Variants in HSPG2 observed in about 807,000 individuals in gnomAD.
HSPG2 encodes basement membrane-specific heparan sulfate proteoglycan core protein.
In HSPG2, 278 loss-of-function variants were observed where a neutral mutation model predicts 526.6. That is an observed-to-expected ratio of 0.53 (90% CI 0.48 to 0.58). The LOEUF is 0.58. HSPG2 is among the 20% of genes least tolerant of loss of function. The pLI is 0.00. For synonymous variants in HSPG2, 2,465 were observed against 2,555.4 expected (o/e 0.96, Z 1.07); for missense variants, 5,354 against 6,099.5 (o/e 0.88, Z 4.07).
intron 1 of HSPG2, among the ~76,000 whole-genome samples, chr1:21,914,916 C>G (rs1353596999): frequency 2.0e-5 from 3 of 152,228 alleles, no homozygotes; most frequent in Non-Finnish European, 2.9e-5. Flanking sequence ...CCTATGCCTG[C>G]CTGGGCCTTG....
At chr1:21,891,973 G>T (rs112093197) in intron 3 of HSPG2, among the ~76,000 whole-genome samples, 5 of 152,366 alleles carry the variant, frequency 3.3e-5, no homozygotes, top group African/African-American at 1.2e-4. Context: ...AGATATGAAT[G>T]AATAAGAGTG....
In HSPG2 at chr1:21,850,386, A is replaced by G. The variant is rs1638797696; in HGVS notation, c.7271T>C (p.Ile2424Thr). 1 of 1,610,090 alleles carries G rather than the reference A, an allele frequency of 6.2e-7. No homozygotes were observed. The change falls in exon 56 of 97, where the codon ATT (isoleucine) becomes ACT (threonine). Residue 2424 changes from isoleucine to threonine, a missense_variant. Transcript: ENST00000374695. ...ACCAGGCACTGAGCCCGCAGGCTCA[A>G]TGGTGACCAGGACAGAGGCCTCTAG... ...VPLEASVLVT[I>T]EPAGSVPALG...
rs185974782 is a variant in HSPG2, at chr1:21,898,517, C to A, written c.64-2207G>T. 6.6e-6 allele frequency among the ~76,000 whole-genome samples: 1 copy of A among 152,328 alleles called. No individual in the cohort carries two copies. The highest frequency in any genetic ancestry group is 1.9e-4 in the East Asian group (1 of 5,184). ...GGGCTCCTTCTCAGAGACAGTGAGTCAGGTTTTTCCATCCCAGGAGGGTGG... is the reference window on the plus strand; with the variant it reads ...GGGCTCCTTCTCAGAGACAGTGAGTAAGGTTTTTCCATCCCAGGAGGGTGG... On this transcript the variant is annotated intron_variant, in intron 1 of 96. Coordinates refer to ENST00000374695, the MANE Select transcript of HSPG2 (RefSeq NM_005529.7). This position sits in a 1 kb window ranked among gnomAD's most constrained non-coding sequence, Gnocchi z 4.0.
In HSPG2 at chr1:21,857,176, A is replaced by G. The variant is rs1317089112; in HGVS notation, c.5414T>C (p.Val1805Ala). The change falls in exon 44 of 97, where the codon GTG becomes GCG. Residue 1805 changes from valine to alanine, a missense_variant. Transcript: ENST00000374695. ...TTTCCCGTTGTGCAGGCGGGTCCAC[A>G]CCAGGGTATAGGCTGGGGACTGCAG... is the stretch of plus-strand genomic sequence containing the variant. Reference protein sequence around the residue: ...AKSKSPAYTLVWTRLHNGKLP... With the variant: ...AKSKSPAYTLAWTRLHNGKLP... The G allele has an allele frequency of 6.2e-7, 1 of 1,614,030 alleles. No individual in the cohort carries two copies. Among genetic ancestry groups the G allele is most frequent in the East Asian group, 2.2e-5 (1 of 44,868 alleles).
intron 1 of HSPG2, among the ~76,000 whole-genome samples, chr1:21,927,768 G>C (rs757898359): frequency 1.6e-4 from 25 of 152,288 alleles, no homozygotes; most frequent in Middle Eastern, 3.4e-3. Context: ...CTACAGCTGC[G>C]GCCTCGGTAG....
chr1:21,826,401 G>A (rs957545163), intron 91 of HSPG2, among the ~76,000 whole-genome samples: 6 of 150,946 alleles, frequency 4.0e-5, no homozygotes, highest in African/African-American at 1.2e-4. Context: ...ACAGGATTTC[G>A]CCTTGTTGCC....
chr1:21,877,930 C>A (rs1044929074), intron 21 of HSPG2, among the ~76,000 whole-genome samples: 13 of 152,336 alleles, frequency 8.5e-5, no homozygotes, highest in Non-Finnish European at 1.8e-4. Flanking sequence ...AGCAAAGGTA[C>A]AATGCAGATA....
rs940282409 is a variant in HSPG2, at chr1:21,859,439, G to A, written c.5293+127C>T. On this transcript the variant is annotated intron_variant, in intron 42 of 96. Coordinates refer to ENST00000374695, the MANE Select transcript of HSPG2 (RefSeq NM_005529.7). This position sits in a 1 kb window ranked among gnomAD's most constrained non-coding sequence, Gnocchi z 5.3. The stretch of plus-strand genomic sequence containing the variant: ...ATCTGCCACCTCTCCTCATCTCCAT[G>A]GCTGCTGACCTTGTTCGGGCAACCA... 2 of 740,556 alleles carry A rather than the reference G, an allele frequency of 2.7e-6. No individual in the cohort carries two copies. The highest frequency in any genetic ancestry group is 4.8e-6 in the Non-Finnish European group (2 of 417,556). The allele number at this position is 740,556 out of a possible 1,614,324, so 45.9% of individuals were successfully genotyped here.
At chr1:21,856,773 G>A (rs144443477) in intron 44 of HSPG2, among the ~76,000 whole-genome samples, 1 of 152,296 alleles carries the variant, frequency 6.6e-6, no homozygotes, top group East Asian at 1.9e-4. Flanking sequence ...TCATCGCCAT[G>A]TGTAGTTATC....
chr1:21,829,827 C>T lies in HSPG2; in HGVS notation c.11770+166G>A, dbSNP rs538560604. The T allele has an allele frequency of 6.4e-5, 48 of 745,960 alleles. No individual in the cohort carries two copies. The African/African-American group carries it at 7.4e-4, about 12-fold the overall frequency. The allele number at this position is 745,960 out of a possible 1,614,324, so 46.2% of individuals were successfully genotyped here. A position where few individuals can be genotyped will look rare whatever the true frequency, so the allele number is the denominator to read the frequency against. ...GGGGTCCTCTTTGGGGGCCCTCACT[C>T]AATAAGGGGCTCAGGCTGGGCAGAC... is the stretch of plus-strand genomic sequence containing the variant. On this transcript the variant is annotated intron_variant, in intron 86 of 96. Transcript: ENST00000374695.
intron 62 of HSPG2, 66 bp from the exon 63 acceptor site, chr1:21,846,665 C>A: frequency 6.4e-7 from 1 of 1,573,506 alleles, no homozygotes; most frequent in Non-Finnish European, 8.7e-7. Flanking sequence ...GTTGGTGGGA[C>A]CCTCTGCCAT....
Position 21,841,127 on chromosome 1 carries a change from G to A in HSPG2, c.9487C>T (p.Leu3163Phe), listed in dbSNP as rs776219965. 2 of 1,612,496 alleles carry A rather than the reference G, an allele frequency of 1.2e-6. No homozygotes were observed. The highest frequency in any genetic ancestry group is 2.7e-5 in the African/African-American group (2 of 74,936). The change falls in exon 71 of 97, where the codon CTC becomes TTC. Residue 3163 changes from leucine (L) to phenylalanine (F), a missense_variant. By Grantham distance (22) the Leu-to-Phe change is conservative (BLOSUM62 0). Coordinates refer to ENST00000374695, the MANE Select transcript of HSPG2 (RefSeq NM_005529.7). ...PAKLEQRTYG[L>F]MDSHAVLQIS... ...TGCAGCACCGCGTGGCTGTCCATGA[G>A]CCCATATGTCCGCTGCTCCAACTTG...
In HSPG2 at chr1:21,874,514, T is replaced by C. The variant is rs1276145538; in HGVS notation, c.3548A>G (p.Glu1183Gly). 1 of 1,613,298 alleles carries C rather than the reference T, an allele frequency of 6.2e-7. No individual in the cohort carries two copies. Among genetic ancestry groups the C allele is most frequent in the Non-Finnish European group, 8.5e-7 (1 of 1,179,942 alleles). Residue 1183 changes from glutamate (E) to glycine (G), a missense_variant, in exon 28 of 97, where the codon GAG becomes GGG. By Grantham distance (98) the Glu-to-Gly change is moderately conservative (BLOSUM62 -2). Transcript: ENST00000374695. ...CTGGCACTGCTCACACCGAGGGCCCTCCGTGTGATGCTGGCAGCCCTGGAG... is the reference window on the plus strand; with the variant it reads ...CTGGCACTGCTCACACCGAGGGCCCCCCGTGTGATGCTGGCAGCCCTGGAG... Reference protein sequence around the residue: ...GACQGCQHHTEGPRCEQCQPG... With the variant: ...GACQGCQHHTGGPRCEQCQPG...
At position 21,864,022 on chromosome 1, in the gene HSPG2, G is replaced by T. The variant is rs964264808; in HGVS notation, c.4740+78C>A. 4 of 1,116,382 alleles carry T rather than the reference G, an allele frequency of 3.6e-6. No homozygotes were observed. Among genetic ancestry groups the T allele is most frequent in the African/African-American group, 3.1e-5 (2 of 64,534 alleles). The allele number at this position is 1,116,382 out of a possible 1,614,324, so 69.2% of individuals were successfully genotyped here. Reference sequence around the variant, plus strand: ...CATGATCCTGATCCCCTGGATTGATGCCTGCCTTGTCCAGCCCTGGTCCCC... The same window carrying T: ...CATGATCCTGATCCCCTGGATTGATTCCTGCCTTGTCCAGCCCTGGTCCCC... On this transcript the variant is annotated intron_variant, in intron 37 of 96. Transcript: ENST00000374695. This position sits in a 1 kb window ranked among gnomAD's most constrained non-coding sequence, Gnocchi z 4.8.
chr1:21,868,120 C>T (rs530493593), intron 33 of HSPG2, among the ~76,000 whole-genome samples: 147 of 151,790 alleles, frequency 9.7e-4, no homozygotes, highest in Non-Finnish European at 1.8e-3. Flanking sequence ...CTCACTGCAA[C>T]CTCCGCCTCC....
chr1:21,915,405 G>A (rs968409498), intron 1 of HSPG2, among the ~76,000 whole-genome samples: 2 of 152,242 alleles, frequency 1.3e-5, no homozygotes, highest in African/African-American at 2.4e-5. Flanking sequence ...AGGCTGCAGG[G>A]AGCACGTGGG....
intron 18 of HSPG2, 33 bp from the exon 19 acceptor site, chr1:21,878,696 G>C: frequency 6.3e-7 from 1 of 1,588,856 alleles, no homozygotes; most frequent in South Asian, 1.1e-5. Flanking sequence ...GCATGGGGCA[G>C]GGCTGGGGTC....
chr1:21,828,075 G>A lies in HSPG2; in HGVS notation c.12487C>T (p.Arg4163Cys), dbSNP rs139743858. 83 of 1,613,380 alleles carry A rather than the reference G, an allele frequency of 5.1e-5. 1 individual carries two copies. The Middle Eastern group carries it at 3.0e-3, about 58-fold the overall frequency. Reference sequence around the variant, plus strand: ...GAGAAGCCAGGGAGGCAGAGGCAGCGGGTGCCCTGGCAGGTGCCCCCATGC... The same window carrying A: ...GAGAAGCCAGGGAGGCAGAGGCAGCAGGTGCCCTGGCAGGTGCCCCCATGC... ...CLHGGTCQGTRCLCLPGFSGP... is the reference protein window; with the variant it reads ...CLHGGTCQGTCCLCLPGFSGP... The change falls in exon 90 of 97, where the codon CGC (arginine) becomes TGC (cysteine). Residue 4163 changes from arginine to cysteine, a missense_variant. Transcript: ENST00000374695. The surrounding 1 kb of genome is among the most constrained non-coding windows in gnomAD (Gnocchi z 6.0).
intron 1 of HSPG2, among the ~76,000 whole-genome samples, chr1:21,903,114 C>T (rs375771444): frequency 6.6e-6 from 1 of 152,214 alleles, no homozygotes; most frequent in Non-Finnish European, 1.5e-5. Flanking sequence ...CAGAAGGAGA[C>T]TTGCCCAAGA....
Sources: gnomAD v4.1 joint callset for allele counts (sites outside exome capture counted in the v4.1 genomes callset) on GRCh38, gnomAD v4.1.1 for gene constraint, Gnocchi (gnomAD v3.1) non-coding constraint, MANE v1.5 for transcripts, NCBI Gene and HGNC (gene_info 2026-07-23, HGNC 2026-07-21) for gene names.